Variants in SHTN1 observed in about 807,000 individuals in gnomAD.
SHTN1 encodes shootin-1.
Under a neutral mutation model 83.1 loss-of-function variants are expected in SHTN1, and 42 were observed. That is an observed-to-expected ratio of 0.51 (90% CI 0.39 to 0.65). The LOEUF is 0.65. SHTN1 is among the 30% of genes least tolerant of loss of function. The pLI is 0.00. For missense variants in SHTN1, 622 were observed against 737.8 expected (o/e 0.84, Z 1.82); for synonymous variants, 224 against 247.7 (o/e 0.90, Z 0.90).
At chr10:116,912,622 G>A (rs1848242826) in intron 13 of SHTN1, among the ~76,000 whole-genome samples, 1 of 152,142 alleles carries the variant, frequency 6.6e-6, no homozygotes, top group Admixed American at 6.5e-5. Flanking sequence ...AACGATCTCT[G>A]CAGATCACTC....
intron 8 of SHTN1, among the ~76,000 whole-genome samples, chr10:116,944,366 CAGATGGTAAAAG>C (rs1474823308): frequency 1.3e-5 from 2 of 152,106 alleles, no homozygotes; most frequent in Non-Finnish European, 2.9e-5. Context: ...GTCCATTTTA[CAGATGGTAAAAG>C]TGAAGCCCTG....
intron 2 of SHTN1, among the ~76,000 whole-genome samples, chr10:117,044,862 T>G (rs1852638825): frequency 6.6e-6 from 1 of 152,168 alleles, no homozygotes; most frequent in East Asian, 1.9e-4. Context: ...TTTGGCATAT[T>G]AAGGTGCTAA....
At chr10:116,908,908 T>C (rs887763817) in intron 14 of SHTN1, among the ~76,000 whole-genome samples, 1 of 152,190 alleles carries the variant, frequency 6.6e-6, no homozygotes, top group African/African-American at 2.4e-5. Context: ...ATGTGGTGGC[T>C]TCAGCTAACA....
intron 3 of SHTN1, among the ~76,000 whole-genome samples, chr10:116,963,046 T>A (rs1206636720): frequency 1.2e-4 from 1 of 8,462 alleles, no homozygotes; most frequent in Non-Finnish European, 2.9e-4. Flanking sequence ...TTTTTTTTTT[T>A]TTTTTTTTTT....
rs368123099 is a variant in SHTN1, at chr10:116,954,228, AAC to A, written c.268-20_268-19del. ...TTATTTAGCTAAGACAAAATATAAA[AAC>A]AGTTATTTTAAAAGCAGCCAAATGA... On this transcript the variant is annotated intron_variant, in intron 4 of 16. Transcript: ENST00000355371. The A allele has an allele frequency of 4.2e-4, 654 of 1,543,352 alleles. 9 individuals are homozygous for A. The East Asian group carries it at 0.011, about 26-fold the overall frequency.
chr10:116,903,211 T>C (rs1847817160), intron 15 of SHTN1, among the ~76,000 whole-genome samples: 2 of 152,186 alleles, frequency 1.3e-5, no homozygotes, highest in South Asian at 4.1e-4. Context: ...GCAGACACGT[T>C]TGGACATTAT....
At chr10:116,955,087 T>C (rs1463940026) in intron 4 of SHTN1, among the ~76,000 whole-genome samples, 2 of 144,984 alleles carry the variant, frequency 1.4e-5, no homozygotes, top group East Asian at 4.0e-4. Context: ...ATTAAAAGAG[T>C]TCTACTTCAC....
At chr10:117,077,183 A>G (rs182587550) in intron 1 of SHTN1, among the ~76,000 whole-genome samples, 1 of 152,342 alleles carries the variant, frequency 6.6e-6, no homozygotes, top group Non-Finnish European at 1.5e-5. Flanking sequence ...TCATAAGCAG[A>G]AAGTGTGGTC....
intron 1 of SHTN1, among the ~76,000 whole-genome samples, chr10:116,999,739 C>A (rs956844125): frequency 7.2e-5 from 11 of 152,162 alleles, no homozygotes; most frequent in African/African-American, 2.4e-4. Flanking sequence ...ATAGTGAAAC[C>A]CCATCTCTAC....
chr10:117,118,421 G>A (rs143562894), intron 1 of SHTN1, among the ~76,000 whole-genome samples: 158 of 146,810 alleles, frequency 1.1e-3, no homozygotes, highest in African/African-American at 3.7e-3. Context: ...AGGATTTGGA[G>A]AAAGGGGAAC....
intron 14 of SHTN1, chr10:116,908,050 A>C (rs925604248): frequency 9.6e-5 from 42 of 437,244 alleles, no homozygotes; most frequent in African/African-American, 7.0e-4. Flanking sequence ...CAAATCTCAT[A>C]ATTAACCTCT....
intron 1 of SHTN1, among the ~76,000 whole-genome samples, chr10:117,079,916 C>T (rs1412376567): frequency 7.1e-6 from 1 of 141,810 alleles, no homozygotes; most frequent in Non-Finnish European, 1.5e-5. Context: ...TGTTTGAGTT[C>T]ATTGTAGATT....
intron 13 of SHTN1, 142 bp downstream of exon 13, chr10:116,915,233 T>A (rs1848343692): frequency 5.0e-6 from 3 of 594,290 alleles, no homozygotes. Context: ...CATGCTTATG[T>A]GGAAGTAAAA....
At chr10:117,002,377 T>C (rs1851852000) in intron 1 of SHTN1, among the ~76,000 whole-genome samples, 2 of 152,122 alleles carry the variant, frequency 1.3e-5, no homozygotes, top group South Asian at 2.1e-4. Flanking sequence ...TTGATAAGTA[T>C]TTGTTGAAGG....
chr10:117,089,385 C>A (rs1280412926), intron 1 of SHTN1, among the ~76,000 whole-genome samples: 1 of 152,100 alleles, frequency 6.6e-6, no homozygotes, highest in African/African-American at 2.4e-5. Flanking sequence ...GAACTTTGTA[C>A]TCTCTTTAAA....
upstream of SHTN1, among the ~76,000 whole-genome samples, chr10:117,006,603 A>G (rs1191989632): frequency 3.3e-5 from 5 of 152,018 alleles, no homozygotes; most frequent in African/African-American, 2.4e-5. Flanking sequence ...GTCTGTGAGA[A>G]AGGGGTTGTG....
At chr10:116,926,477 G>A (rs545356242) in intron 11 of SHTN1, among the ~76,000 whole-genome samples, 18 of 152,264 alleles carry the variant, frequency 1.2e-4, no homozygotes, top group South Asian at 4.1e-4. Context: ...GATCGATCAC[G>A]TGTAAAAATT....
At position 117,062,613 on chromosome 10, in the gene SHTN1, C is replaced by A. The variant is rs541631346; in HGVS notation, c.-188-14103G>T. ...TCTAAAATGCACATAATAATAATACCCAGTTTATAGGTTTATTGTGAAAAT... is the reference window on the plus strand; with the variant it reads ...TCTAAAATGCACATAATAATAATACACAGTTTATAGGTTTATTGTGAAAAT... On this transcript the variant is annotated intron_variant, in intron 1 of 17. Coordinates refer to the SHTN1 transcript ENST00000392901. Among the ~76,000 whole-genome samples the A allele has an allele frequency of 3.3e-5, 5 of 152,056 alleles. No homozygotes were observed. The Middle Eastern group carries it at 0.014, about 414-fold the overall frequency.
In SHTN1 at chr10:116,961,509, T is replaced by G. The variant is rs1185075009; in HGVS notation, c.173-1279A>C. Among the ~76,000 whole-genome samples, 3 of 152,036 alleles carry G rather than the reference T, an allele frequency of 2.0e-5. No individual in the cohort carries two copies. The East Asian group carries it at 5.8e-4, about 30-fold the overall frequency. ...ACACTGTTATTACAAGTGGCACATT[T>G]GAGTGGCATCTAATTATGACTTGAT... is the stretch of plus-strand genomic sequence containing the variant. On this transcript the variant is annotated intron_variant, in intron 3 of 16. Transcript: ENST00000355371.
Sources: gnomAD v4.1 joint callset for allele counts (sites outside exome capture counted in the v4.1 genomes callset) on GRCh38, gnomAD v4.1.1 for gene constraint, MANE v1.5 for transcripts, NCBI Gene and HGNC (gene_info 2026-07-23, HGNC 2026-07-21) for gene names.